The following PCLO variants were observed in gnomAD, a reference collection of about 807,000 sequenced individuals.
PCLO encodes the protein protein piccolo.
A neutral mutation model predicts 427.5 loss-of-function variants in PCLO; 82 were observed. The observed-to-expected ratio is 0.19, with a 90% CI of 0.16 to 0.23. The LOEUF is 0.23. Ranked by LOEUF, PCLO falls within the 10% of genes least tolerant of loss-of-function variation. The pLI is 1.00. For missense variants in PCLO, 6,239 were observed against 6,115.9 expected (o/e 1.02, Z -0.67); for synonymous variants, 2,357 against 2,155.4 (o/e 1.09, Z -2.59).
chr7:83,155,379 A>G lies in PCLO; in HGVS notation c.1262T>C (p.Leu421Pro). The G allele has an allele frequency of 6.2e-7, 1 of 1,611,808 alleles. No homozygotes were observed. The highest frequency in any genetic ancestry group is 8.5e-7 in the Non-Finnish European group (1 of 1,179,392). Residue 421 changes from leucine to proline, a missense_variant, in exon 2 of 25, where the codon CTA (leucine) becomes CCA (proline). Physicochemically the swap from Leu to Pro is moderately conservative, Grantham distance 98. Transcript: ENST00000333891. ...PTQQVGTPKP[L>P]AQQPGLQSPA... ...AGACTGTAGCCCAGGTTGTTGAGCT[A>G]GGGGTTTTGGTGTCCCCACCTGCTG...
intron 4 of PCLO, among the ~76,000 whole-genome samples, chr7:82,958,249 A>G (rs949599448): frequency 6.6e-6 from 1 of 152,034 alleles, no homozygotes; most frequent in Non-Finnish European, 1.5e-5. Flanking sequence ...CCAAGTAAAC[A>G]GATGTACGGT....
chr7:82,974,412 T>C (rs1476713378), intron 3 of PCLO, among the ~76,000 whole-genome samples: 1 of 152,156 alleles, frequency 6.6e-6, no homozygotes, highest in Non-Finnish European at 1.5e-5. Context: ...GATTAACTGA[T>C]CATCTACCAG....
At chr7:82,858,518 A>G (rs1378607024) in intron 10 of PCLO, among the ~76,000 whole-genome samples, 1 of 152,138 alleles carries the variant, frequency 6.6e-6, no homozygotes, top group Non-Finnish European at 1.5e-5. Flanking sequence ...AAAATTGTCT[A>G]TTTGCAGATG....
rs953115589 is a variant in PCLO, at chr7:82,953,033, G to A, written c.7920C>T (p.Tyr2640=). The change falls in exon 5 of 25, where the codon TAC becomes TAT. Residue 2640 remains tyrosine (Y), a synonymous_variant. Transcript: ENST00000333891. Reference sequence around the variant, plus strand: ...AAAATGTCTGTAAAGCTCCAGAGATGTAGAAGGTCTGTTCTGAAGAAATTG... The same window carrying A: ...AAAATGTCTGTAAAGCTCCAGAGATATAGAAGGTCTGTTCTGAAGAAATTG... ...EIPISSEQTF[Y]ISGALQTFSA... 2.5e-6 allele frequency: 4 copies of A among 1,613,848 alleles called. No individual in the cohort carries two copies. In the African/African-American group the frequency reaches 5.3e-5, roughly 22 times the overall value.
rs780886662 is a variant in PCLO, at chr7:82,916,341, G to A, written c.11645C>T (p.Thr3882Ile). 1.1e-5 allele frequency: 17 copies of A among 1,613,578 alleles called. No homozygotes were observed. Among genetic ancestry groups the A allele is most frequent in the Admixed American group, 1.7e-5 (1 of 59,970 alleles). The change falls in exon 7 of 25, where the codon ACA becomes ATA. Residue 3882 changes from threonine to isoleucine, a missense_variant. Thr to Ile is a moderately conservative substitution (Grantham distance 89). Transcript: ENST00000333891. ...TQTESQLVPP[T>I]SPYTQYQYSS... Reference sequence around the variant, plus strand: ...GTACTGGTATTGTGTGTAAGGACTTGTCGGAGGAACTAGTTGAGATTCTGT... The same window carrying A: ...GTACTGGTATTGTGTGTAAGGACTTATCGGAGGAACTAGTTGAGATTCTGT...
chr7:82,851,711 G>A (rs1457605330), intron 10 of PCLO, among the ~76,000 whole-genome samples: 3 of 151,976 alleles, frequency 2.0e-5, no homozygotes, highest in African/African-American at 7.2e-5. Context: ...ACGACTATAG[G>A]TTAATTTTCC....
At chr7:82,909,156 A>G in intron 7 of PCLO, 143 bp from the exon 8 acceptor site, 3 of 720,580 alleles carry the variant, frequency 4.2e-6, no homozygotes, top group Non-Finnish European at 6.4e-6. Context: ...GGGACTAGAA[A>G]AATTATTTTT....
rs372028340 is a variant in PCLO, at chr7:82,952,977, A to T, written c.7976T>A (p.Phe2659Tyr). Reference protein sequence around the residue: ...SATPVTAPSSFQAAPTSVTQF... With the variant: ...SATPVTAPSSYQAAPTSVTQF... ...TGTAACTGATGTGGGAGCTGCTTGAAATGAAGAGGGTGCTGTGACAGGGGT... is the reference window on the plus strand; with the variant it reads ...TGTAACTGATGTGGGAGCTGCTTGATATGAAGAGGGTGCTGTGACAGGGGT... The change falls in exon 5 of 25, where the codon TTT (phenylalanine) becomes TAT (tyrosine). Residue 2659 changes from phenylalanine (F) to tyrosine (Y), a missense_variant. Around this residue, in one of 5 missense-constraint regions of PCLO, gnomAD observed 4,677 missense variants for 4,468.4 expected, o/e 1.05. Coordinates refer to ENST00000333891, the MANE Select transcript of PCLO (RefSeq NM_033026.6). 1 of 1,613,756 alleles carries T rather than the reference A, an allele frequency of 6.2e-7. No homozygotes were observed. Among genetic ancestry groups the T allele is most frequent in the African/African-American group, 1.3e-5 (1 of 74,922 alleles).
intron 3 of PCLO, among the ~76,000 whole-genome samples, chr7:83,006,524 G>A (rs916086819): frequency 3.3e-5 from 5 of 151,462 alleles, no homozygotes; most frequent in Non-Finnish European, 7.4e-5. Context: ...CATAAGAGAT[G>A]CTGCACAGCA....
At chr7:83,008,321 C>A (rs768657098) in intron 3 of PCLO, among the ~76,000 whole-genome samples, 3 of 151,608 alleles carry the variant, frequency 2.0e-5, no homozygotes, top group Non-Finnish European at 4.4e-5. Context: ...TTGTTAAAAA[C>A]CGGTTAATAT....
At chr7:83,149,922 AG>A (rs1248027915) in intron 2 of PCLO, among the ~76,000 whole-genome samples, 1 of 152,196 alleles carries the variant, frequency 6.6e-6, no homozygotes. Flanking sequence ...AGCTCATTAA[AG>A]GTGGCTATGG....
intron 9 of PCLO, among the ~76,000 whole-genome samples, chr7:82,887,372 C>T (rs1307215681): frequency 1.3e-5 from 2 of 152,110 alleles, no homozygotes; most frequent in African/African-American, 4.8e-5. Flanking sequence ...CCCATTTCCC[C>T]TTGCTTATTT....
chr7:83,059,916 G>A (rs1406686914), intron 3 of PCLO, among the ~76,000 whole-genome samples: 1 of 152,164 alleles, frequency 6.6e-6, no homozygotes, highest in Non-Finnish European at 1.5e-5. Flanking sequence ...GTAGTGCAAG[G>A]TTAAGATGAC....
chr7:82,916,550 T>C lies in PCLO; in HGVS notation c.11436A>G (p.Leu3812=), dbSNP rs1794471030. The change falls in exon 7 of 25, where the codon CTA becomes CTG. Residue 3812 remains leucine (L), a synonymous_variant. Coordinates refer to ENST00000333891, the MANE Select transcript of PCLO (RefSeq NM_033026.6). The part of the protein sequence containing the change: ...EMGINRRKEA[L]LKEREKRERA... ...GTTCTCTCTTTTCTCTCTCCTTTAA[T>C]AGGGCCTCTTTCCTCCTGTTAATTC... is the stretch of plus-strand genomic sequence containing the variant. 6.2e-7 allele frequency: 1 copy of C among 1,613,694 alleles called. No individual in the cohort carries two copies.
chr7:83,006,504 A>G (rs941425794), intron 3 of PCLO, among the ~76,000 whole-genome samples: 2 of 151,544 alleles, frequency 1.3e-5, no homozygotes, highest in Non-Finnish European at 3.0e-5. Context: ...CCTTTCTCAT[A>G]CTGCTGTTTC....
Position 83,024,982 on chromosome 7 carries a change from G to C in PCLO, c.3301-58495C>G, listed in dbSNP as rs1022607250. On this transcript the variant is annotated intron_variant, in intron 3 of 24. Transcript: ENST00000333891. ...TCACCATCATCAAAGACCAAAAGTA[G>C]ATAAAACCACAAAGATGGGGAAAAA... Among the ~76,000 whole-genome samples, 41 of 152,234 alleles carry C rather than the reference G, an allele frequency of 2.7e-4. 1 individual carries two copies. The highest frequency in any genetic ancestry group is 2.4e-3 in the Admixed American group (36 of 15,302).
chr7:82,928,719 A>G (rs1330432432), intron 6 of PCLO, among the ~76,000 whole-genome samples: 1 of 152,162 alleles, frequency 6.6e-6, no homozygotes, highest in Non-Finnish European at 1.5e-5. Context: ...CAAAAGCAAG[A>G]TAATTCTGAA....
intron 9 of PCLO, among the ~76,000 whole-genome samples, chr7:82,892,382 A>G (rs1562841257): frequency 2.6e-5 from 4 of 152,192 alleles, no homozygotes; most frequent in Admixed American, 2.0e-4. Context: ...ATATGTAGAA[A>G]GCTGAAACTG....
At chr7:82,880,155 G>A (rs1793469838) in intron 9 of PCLO, among the ~76,000 whole-genome samples, 1 of 152,030 alleles carries the variant, frequency 6.6e-6, no homozygotes, top group Non-Finnish European at 1.5e-5. Flanking sequence ...TTTAGTTTCT[G>A]TGTTTTTTAA....
Sources: allele counts gnomAD v4.1 joint callset (sites outside exome capture counted in the v4.1 genomes callset), GRCh38; gene constraint gnomAD v4.1.1; regional missense constraint gnomAD v4.1.1; transcripts MANE v1.5; gene names NCBI Gene and HGNC (gene_info 2026-07-23, HGNC 2026-07-21).